MBNL2: variants seen among roughly 807,000 people sequenced by gnomAD.
MBNL2 encodes the protein muscleblind like splicing regulator 2.
Under a neutral mutation model 41.9 loss-of-function variants are expected in MBNL2, and 17 were observed. That is an observed-to-expected ratio of 0.41 (90% CI 0.28 to 0.61). The LOEUF (loss-of-function observed/expected upper bound fraction) is 0.61. Ranked by LOEUF, MBNL2 falls within the 20% of genes least tolerant of loss-of-function variation. The pLI is 0.35. For missense variants in MBNL2, 336 were observed against 505.6 expected (o/e 0.66, Z 3.22); for synonymous variants, 195 against 182.9 (o/e 1.07, Z -0.53).
intron 8 of MBNL2, among the ~76,000 whole-genome samples, chr13:97,385,186 G>A (rs1407805687): frequency 1.3e-5 from 2 of 152,120 alleles, no homozygotes; most frequent in Non-Finnish European, 2.9e-5. Flanking sequence ...TAAATTCCCA[G>A]CCCTATCCTA....
At chr13:97,307,304 C>T (rs1197348786) in intron 2 of MBNL2, among the ~76,000 whole-genome samples, 1 of 151,984 alleles carries the variant, frequency 6.6e-6, no homozygotes, top group Non-Finnish European at 1.5e-5. Context: ...CAACTTTGAA[C>T]TTCCATTGAT....
In MBNL2 at chr13:97,334,227, A is replaced by T; in HGVS notation, c.175-49A>T. On this transcript the variant is annotated intron_variant, in intron 2 of 8. Coordinates refer to ENST00000679496, the MANE Select transcript of MBNL2 (RefSeq NM_001382683.1). The surrounding 1 kb of genome is among the most constrained non-coding windows in gnomAD (Gnocchi z 5.3). ...GTGATTGTTCAGTGGTTGACTTTGG[A>T]GTTGCAAGCTACTTAAAATAGTCCT... 6.8e-7 allele frequency: 1 copy of T among 1,466,222 alleles called. No homozygotes were observed. The highest frequency in any genetic ancestry group is 1.8e-4 in the Middle Eastern group (1 of 5,604). The allele number at this position is 1,466,222 out of a possible 1,614,324, so 90.8% of individuals were successfully genotyped here. A position where few individuals can be genotyped will look rare whatever the true frequency, so the allele number is the denominator to read the frequency against.
intron 1 of MBNL2, among the ~76,000 whole-genome samples, chr13:97,271,831 C>T (rs958796464): frequency 6.6e-6 from 1 of 152,124 alleles, no homozygotes; most frequent in African/African-American, 2.4e-5. Context: ...TATTGATGGG[C>T]ATTTGGGTTG....
At chr13:97,196,343 T>C in the MBNL2 span, among the ~76,000 whole-genome samples, 83 of 152,346 alleles carry the variant, frequency 5.4e-4, no homozygotes, top group Middle Eastern at 3.4e-3. Flanking sequence ...GTTCCTGCCC[T>C]TCCCCTTTTT....
At chr13:97,377,081 A>C (rs1342286042) in intron 8 of MBNL2, among the ~76,000 whole-genome samples, 1 of 152,126 alleles carries the variant, frequency 6.6e-6, no homozygotes. Context: ...CTCACAAAGA[A>C]CCCACCACGT....
chr13:97,271,568 G>T (rs2051032464), intron 1 of MBNL2, among the ~76,000 whole-genome samples: 1 of 152,024 alleles, frequency 6.6e-6, no homozygotes, highest in South Asian at 2.1e-4. Context: ...TGTCCTCTAA[G>T]TTCCCTCCCC....
chr13:97,345,820 T>G (rs1239168365), intron 4 of MBNL2, among the ~76,000 whole-genome samples: 1 of 150,700 alleles, frequency 6.6e-6, no homozygotes, highest in East Asian at 1.9e-4. Context: ...TCTGATTCTT[T>G]TTGTACAGCT....
chr13:97,297,885 T>C (rs557963839), intron 2 of MBNL2, among the ~76,000 whole-genome samples: 1 of 152,252 alleles, frequency 6.6e-6, no homozygotes, highest in South Asian at 2.1e-4. Context: ...GACAAAATGC[T>C]AAACTATAGC....
At chr13:97,347,218 CTTTTT>C in intron 5 of MBNL2, 151 bp downstream of exon 5, 1 of 657,880 alleles carries the variant, frequency 1.5e-6, no homozygotes. Context: ...TGTTTTCCCC[CTTTTT>C]GTTTTGTTTT....
In MBNL2 at chr13:97,287,922, T is replaced by TGTTTTG. The variant is rs1566393524; in HGVS notation, c.174+11513_174+11514insGTTTTG. On this transcript the variant is annotated intron_variant, in intron 2 of 8. Coordinates refer to ENST00000679496, the MANE Select transcript of MBNL2 (RefSeq NM_001382683.1). ...ACCAGGCCCGGCTAATTTTCTGTTT[T>TGTTTTG]TTTTTTGTTTTGTTTTGTTTTTTTT... is the stretch of plus-strand genomic sequence containing the variant. 1.9e-4 allele frequency among the ~76,000 whole-genome samples: 23 copies of TGTTTTG among 119,994 alleles called. 1 individual carries two copies. Among genetic ancestry groups the TGTTTTG allele is most frequent in the African/African-American group, 6.8e-4 (22 of 32,324 alleles). The allele number at this position is 119,994 out of a possible 152,430, so 78.7% of individuals were successfully genotyped here.
chr13:97,279,878 T>C (rs1482104872), intron 2 of MBNL2, among the ~76,000 whole-genome samples: 3 of 152,238 alleles, frequency 2.0e-5, no homozygotes, highest in Non-Finnish European at 4.4e-5. Context: ...GAAGACATTT[T>C]GGAAAATATA....
the MBNL2 span, among the ~76,000 whole-genome samples, chr13:97,152,247 C>A: frequency 1.3e-5 from 2 of 151,630 alleles, no homozygotes; most frequent in East Asian, 3.9e-4. Context: ...GTTCAGAAAA[C>A]CTTCTAGAAT....
chr13:97,319,636 T>A (rs551453588), intron 2 of MBNL2, among the ~76,000 whole-genome samples: 1 of 151,632 alleles, frequency 6.6e-6, no homozygotes, highest in Non-Finnish European at 1.5e-5. Flanking sequence ...TTCTTTGACT[T>A]CCATCCTGCT....
chr13:97,256,889 C>G (rs1247461651), intron 1 of MBNL2, among the ~76,000 whole-genome samples: 3 of 152,196 alleles, frequency 2.0e-5, no homozygotes, highest in Non-Finnish European at 4.4e-5. Context: ...TTACCACCAA[C>G]AAGACACATT....
chr13:97,353,715 G>T (rs2062715065), intron 5 of MBNL2, among the ~76,000 whole-genome samples: 1 of 152,140 alleles, frequency 6.6e-6, no homozygotes, highest in Non-Finnish European at 1.5e-5. Flanking sequence ...TTCTTTGGTA[G>T]TGTTAACACA....
At chr13:97,242,962 C>G (rs1404322179) in intron 1 of MBNL2, among the ~76,000 whole-genome samples, 1 of 152,188 alleles carries the variant, frequency 6.6e-6, no homozygotes, top group African/African-American at 2.4e-5. Context: ...GCAGTCCCTC[C>G]CCTCCACTGA....
intron 2 of MBNL2, among the ~76,000 whole-genome samples, chr13:97,302,126 G>T (rs2057688499): frequency 6.6e-6 from 1 of 152,138 alleles, no homozygotes; most frequent in African/African-American, 2.4e-5. Flanking sequence ...CCCCGTGAAG[G>T]CCCTCTCCTC....
In MBNL2 at chr13:97,391,884, T is replaced by C. The variant is rs2066398211; in HGVS notation, c.*435T>C. On this transcript the variant is annotated 3_prime_UTR_variant, in exon 9 of 9. Transcript: ENST00000679496. ...GCTGCAGCAAAGATGAGAGGTGAAGTAAAACCGATACCTGTCCTGCAGGTC... is the reference window on the plus strand; with the variant it reads ...GCTGCAGCAAAGATGAGAGGTGAAGCAAAACCGATACCTGTCCTGCAGGTC... The C allele has an allele frequency of 6.2e-6, 1 of 160,126 alleles. No homozygotes were observed. The highest frequency in any genetic ancestry group is 2.4e-5 in the African/African-American group (1 of 41,476). The allele number at this position is 160,126 out of a possible 1,614,324, so 9.9% of individuals were successfully genotyped here.
At chr13:97,233,007 T>A (rs904470806) in intron 1 of MBNL2, among the ~76,000 whole-genome samples, 19 of 150,310 alleles carry the variant, frequency 1.3e-4, no homozygotes, top group Non-Finnish European at 1.9e-4. Context: ...CAAAGTGAAA[T>A]GTTTGTGCTG....
Sources: allele counts gnomAD v4.1 joint callset (sites outside exome capture counted in the v4.1 genomes callset), GRCh38; gene constraint gnomAD v4.1.1; non-coding constraint Gnocchi (gnomAD v3.1); transcripts MANE v1.5; gene names NCBI Gene and HGNC (gene_info 2026-07-23, HGNC 2026-07-21).